Variants in CACNA1E observed in about 807,000 individuals in gnomAD.
The protein encoded by CACNA1E is calcium voltage-gated channel subunit alpha1 E, also known as voltage-dependent R-type calcium channel subunit alpha-1E.
A neutral mutation model predicts 259.2 loss-of-function variants in CACNA1E; 40 were observed. The observed-to-expected ratio is 0.15, with a 90% confidence interval of 0.12 to 0.20. The LOEUF (loss-of-function observed/expected upper bound fraction) is 0.20, where lower values mean the gene tolerates loss of function less well. Among genes scored for constraint, CACNA1E ranks in the 10% least tolerant of loss-of-function variants. The pLI, the probability that CACNA1E is intolerant of heterozygous loss-of-function variation, is 1.00. For synonymous variants in CACNA1E, 1,104 were observed against 1,138.5 expected, an observed-to-expected ratio of 0.97 and a Z score of 0.61; for missense variants, 1,874 against 3,040.1, an observed-to-expected ratio of 0.62 and a Z score of 9.02.
chr1:181,763,397 G>A lies in CACNA1E; in HGVS notation c.4690-9G>A, dbSNP rs1235800029. 1.3e-6 allele frequency: 2 copies of A among 1,569,326 alleles called. No homozygotes were observed. Among genetic ancestry groups the A allele is most frequent in the African/African-American group, 1.4e-5 (1 of 73,280 alleles). ...GTTCCTAATTATATGTTTCCTTTTG[G>A]TCCACCAGCTGGTGAACACCAGTGG... is the stretch of plus-strand genomic sequence containing the variant. On this transcript the variant is annotated splice_polypyrimidine_tract_variant and intron_variant, in intron 33 of 47. Coordinates refer to ENST00000367573, the MANE Select transcript of CACNA1E (RefSeq NM_001205293.3).
intron 2 of CACNA1E, among the ~76,000 whole-genome samples, chr1:181,435,787 C>A (rs530938250): frequency 1.8e-4 from 28 of 152,236 alleles, no homozygotes; most frequent in African/African-American, 6.5e-4. Flanking sequence ...TGGCTTTTTT[C>A]AGCTTAATGA....
rs566396738 is a variant in CACNA1E, at chr1:181,793,937, T to C, written c.6027+144T>C. 1.4e-4 allele frequency: 119 copies of C among 859,606 alleles called. 1 individual carries two copies. In the South Asian group the frequency reaches 2.2e-3, roughly 16 times the overall value. The allele number at this position is 859,606 out of a possible 1,614,324, so 53.2% of individuals were successfully genotyped here. On this transcript the variant is annotated intron_variant, in intron 45 of 47. Transcript: ENST00000367573. ...TAAAACCTGGCTCATGGGTCGTCTC[T>C]AATAGAGCCTGCTTCTCCGGTGTTT...
At chr1:181,409,704 A>G (rs1657712206) in intron 1 of CACNA1E, among the ~76,000 whole-genome samples, 1 of 152,138 alleles carries the variant, frequency 6.6e-6, no homozygotes, top group Non-Finnish European at 1.5e-5. Flanking sequence ...AGAACTGGGG[A>G]CTGATCGGCT....
At chr1:181,765,462 C>G (rs1658939049) in intron 34 of CACNA1E, among the ~76,000 whole-genome samples, 1 of 152,222 alleles carries the variant, frequency 6.6e-6, no homozygotes, top group Non-Finnish European at 1.5e-5. Flanking sequence ...CAACCCCCAT[C>G]ACAGAGCCTA....
intron 2 of CACNA1E, among the ~76,000 whole-genome samples, chr1:181,450,648 C>A (rs898666871): frequency 1.3e-5 from 2 of 151,980 alleles, no homozygotes; most frequent in East Asian, 3.9e-4. Context: ...TTAGCAGGAA[C>A]TAAAAAACGA....
intron 2 of CACNA1E, among the ~76,000 whole-genome samples, chr1:181,473,070 T>A (rs967089130): frequency 9.9e-5 from 15 of 152,226 alleles, no homozygotes; most frequent in African/African-American, 3.6e-4. Context: ...AGGATCGATG[T>A]TCCTGAATGG....
intron 34 of CACNA1E, among the ~76,000 whole-genome samples, chr1:181,765,630 T>C (rs993760530): frequency 3.9e-5 from 6 of 152,212 alleles, no homozygotes; most frequent in Non-Finnish European, 5.9e-5. Context: ...AAAGCCTCAA[T>C]TGATCTCCTG....
intron 2 of CACNA1E, among the ~76,000 whole-genome samples, chr1:181,417,418 C>G (rs1316069069): frequency 6.6e-6 from 1 of 152,196 alleles, no homozygotes; most frequent in African/African-American, 2.4e-5. Flanking sequence ...GCTTCACCAT[C>G]ATTATAATCT....
Position 181,510,523 on chromosome 1 carries a change from G to A in CACNA1E, c.313G>A (p.Val105Ile). The change falls in exon 2 of 48, where the codon GTC (valine) becomes ATC (isoleucine). Residue 105 changes from valine (V) to isoleucine (I), a missense_variant. Physicochemically the swap from Val to Ile is conservative, Grantham distance 29 (BLOSUM62 3). This residue lies in a region of CACNA1E where 55 missense variants were observed against 156.5 expected (regional missense o/e 0.35). Transcript: ENST00000367573. ...ILATIIANCI[V>I]LALEQHLPED... ...GGCCACCATCATTGCCAACTGCATC[G>A]TCCTGGCCCTGGAGCAGCATCTTCC... The A allele has an allele frequency of 2.5e-6, 4 of 1,613,894 alleles. No homozygotes were observed. The highest frequency in any genetic ancestry group is 1.7e-4 in the Middle Eastern group (1 of 6,060).
At chr1:181,373,576 CG>C (rs1654861314) in intron 1 of CACNA1E, among the ~76,000 whole-genome samples, 1 of 136,192 alleles carries the variant, frequency 7.3e-6, no homozygotes, top group Non-Finnish European at 1.5e-5. Context: ...CTCGCTCTGT[CG>C]CCCAGGCTGG....
chr1:181,510,684 G>C, intron 2 of CACNA1E, 102 bp downstream of exon 2: 2 of 766,192 alleles, frequency 2.6e-6, no homozygotes, highest in South Asian at 3.1e-5. Flanking sequence ...TGTGAGTTCT[G>C]GGAGGAGTTT....
chr1:181,518,615 C>T (rs1235079100), intron 3 of CACNA1E, among the ~76,000 whole-genome samples: 3 of 152,098 alleles, frequency 2.0e-5, no homozygotes, highest in Admixed American at 1.3e-4. Flanking sequence ...AGTGAGAGTG[C>T]CAGTTAGTAG....
At chr1:181,663,362 G>A (rs999818746) in intron 7 of CACNA1E, among the ~76,000 whole-genome samples, 18 of 152,306 alleles carry the variant, frequency 1.2e-4, no homozygotes, top group African/African-American at 4.3e-4. Flanking sequence ...AGTCTAATGA[G>A]AGGCAGAGCT....
chr1:181,692,301 A>G (rs1438417677), intron 7 of CACNA1E, among the ~76,000 whole-genome samples: 1 of 152,218 alleles, frequency 6.6e-6, no homozygotes, highest in Non-Finnish European at 1.5e-5. Context: ...AGAAAAAACT[A>G]TTCTAAAATT....
intron 7 of CACNA1E, among the ~76,000 whole-genome samples, chr1:181,684,297 G>C (rs1305237257): frequency 2.0e-5 from 3 of 152,016 alleles, no homozygotes; most frequent in Non-Finnish European, 2.9e-5. Context: ...AGGAGTGCTT[G>C]TTCATGTCTT....
intron 2 of CACNA1E, among the ~76,000 whole-genome samples, chr1:181,461,881 T>A (rs1004593253): frequency 2.6e-5 from 4 of 152,028 alleles, no homozygotes; most frequent in African/African-American, 9.7e-5. Context: ...GTACAACTGA[T>A]CGTTAATAAT....
At chr1:181,598,930 ATT>A (rs59473397) in intron 6 of CACNA1E, among the ~76,000 whole-genome samples, 47 of 142,740 alleles carry the variant, frequency 3.3e-4, no homozygotes, top group African/African-American at 1.2e-3. Context: ...TGTTTCTGCC[ATT>A]TTTTTTTTTT....
At position 181,804,441 on chromosome 1, in the gene CACNA1E, G is replaced by GC; in HGVS notation, c.*5611dup. 1 of 152,118 alleles carries GC rather than the reference G, an allele frequency of 6.6e-6. No homozygotes were observed. The allele number at this position is 152,118 out of a possible 1,614,324, so 9.4% of individuals were successfully genotyped here. ...ATATAACCCAAATTAATGAAGAACT[G>GC]CCCCAAAACTTCAGTGAAAGCCAAG... On this transcript the variant is annotated 3_prime_UTR_variant, in exon 48 of 48. Transcript: ENST00000367573.
chr1:181,529,843 C>T (rs1428925752), intron 3 of CACNA1E, among the ~76,000 whole-genome samples: 1 of 152,164 alleles, frequency 6.6e-6, no homozygotes, highest in Non-Finnish European at 1.5e-5. Flanking sequence ...TTTACAGGCT[C>T]ATAGGTGGAA....
Sources: gnomAD v4.1 joint callset for allele counts (sites outside exome capture counted in the v4.1 genomes callset) on GRCh38, gnomAD v4.1.1 for gene constraint, gnomAD v4.1.1 regional missense constraint, MANE v1.5 for transcripts, NCBI Gene and HGNC (gene_info 2026-07-23, HGNC 2026-07-21) for gene names.